The following BIRC6 variants were observed in gnomAD, a reference collection of about 807,000 sequenced individuals.
BIRC6 encodes the protein dual E2 ubiquitin-conjugating enzyme/E3 ubiquitin-protein ligase BIRC6.
Under a neutral mutation model 503.3 loss-of-function variants are expected in BIRC6, and 98 were observed. The ratio of observed to expected loss-of-function variants is 0.19; its 90% CI spans 0.17 to 0.23. The LOEUF is 0.23. Ranked by LOEUF, BIRC6 falls within the 10% of genes least tolerant of loss-of-function variation. The pLI is 1.00. For missense variants in BIRC6, 5,360 were observed against 5,806.0 expected, an observed-to-expected ratio of 0.92 and a Z score of 2.50; for synonymous variants, 2,240 against 2,078.7, an observed-to-expected ratio of 1.08 and a Z score of -2.11.
Position 32,507,975 on chromosome 2 carries a change from T to C in BIRC6, c.9701-5T>C, listed in dbSNP as rs749943217. The C allele has an allele frequency of 1.2e-6, 2 of 1,609,782 alleles. No homozygotes were observed. Among genetic ancestry groups the C allele is most frequent in the Non-Finnish European group, 1.7e-6 (2 of 1,177,842 alleles). ...TTGTGATGATTCAGTTTTCTCTTTT[T>C]ATAGCCTGCCCTTCCTCAGTGTCTG... On this transcript the variant is annotated splice_polypyrimidine_tract_variant and splice_region_variant and intron_variant, in intron 50 of 73. Transcript: ENST00000421745.
intron 73 of BIRC6, among the ~76,000 whole-genome samples, chr2:32,614,078 A>G (rs1447790370): frequency 3.3e-5 from 5 of 152,158 alleles, no homozygotes; most frequent in Non-Finnish European, 1.5e-5. Flanking sequence ...CAAGTTTTCT[A>G]GCTTTCTATT....
rs181278335 is a variant in BIRC6 at position 32,365,776 on chromosome 2, A to T, written c.325+8290A>T. Reference sequence around the variant, plus strand: ...TTTAAGGTAAAAAAATTAGGGCCCTATTATGATTGGAGCTTGGTTGCAGTA... The same window carrying T: ...TTTAAGGTAAAAAAATTAGGGCCCTTTTATGATTGGAGCTTGGTTGCAGTA... On this transcript the variant is annotated intron_variant, in intron 1 of 73. Coordinates refer to ENST00000421745, the MANE Select transcript of BIRC6 (RefSeq NM_016252.4). 2.2e-4 allele frequency among the ~76,000 whole-genome samples: 34 copies of T among 152,270 alleles called. No homozygotes were observed. In the East Asian group the frequency reaches 2.5e-3, roughly 11 times the overall value.
chr2:32,607,100 A>G (rs769118576), intron 71 of BIRC6, among the ~76,000 whole-genome samples: 3 of 152,088 alleles, frequency 2.0e-5, no homozygotes, highest in Middle Eastern at 3.4e-3. Context: ...TAAACTCATA[A>G]AACAACTAAA....
intron 10 of BIRC6, among the ~76,000 whole-genome samples, 159 bp downstream of exon 10, chr2:32,416,322 A>T (rs753234534): frequency 1.4e-4 from 22 of 152,046 alleles, no homozygotes; most frequent in Admixed American, 3.3e-4. Context: ...TGTTCTTAAA[A>T]CTTTTTTCTA....
intron 23 of BIRC6, among the ~76,000 whole-genome samples, chr2:32,455,502 C>T (rs975693414): frequency 2.6e-5 from 4 of 152,086 alleles, no homozygotes; most frequent in African/African-American, 7.2e-5. Flanking sequence ...AGGCACCTGC[C>T]TGTAGTCCCA....
chr2:32,453,352 G>A (rs1021173247), intron 22 of BIRC6, among the ~76,000 whole-genome samples: 17 of 151,906 alleles, frequency 1.1e-4, no homozygotes, highest in South Asian at 4.2e-4. Flanking sequence ...ATTTTGAAAT[G>A]TTCATCCTTT....
At chr2:32,409,050 T>A (rs575192822) in intron 9 of BIRC6, among the ~76,000 whole-genome samples, 2 of 152,242 alleles carry the variant, frequency 1.3e-5, no homozygotes, top group South Asian at 2.1e-4. Flanking sequence ...CATTTCAGAC[T>A]TATCAGAGCA....
chr2:32,448,969 T>A, intron 22 of BIRC6, 41 bp downstream of exon 22: 1 of 1,577,940 alleles, frequency 6.3e-7, no homozygotes, highest in East Asian at 2.2e-5. Context: ...GAATGTTGTA[T>A]CTTGGATTTA....
intron 60 of BIRC6, among the ~76,000 whole-genome samples, chr2:32,530,271 C>T (rs570002461): frequency 6.6e-6 from 1 of 152,144 alleles, no homozygotes; most frequent in South Asian, 2.1e-4. Context: ...AGTGCAGAGG[C>T]ACGATCTTAG....
At chr2:32,438,558 CT>C (rs1242771915) in intron 15 of BIRC6, among the ~76,000 whole-genome samples, 2,528 of 126,912 alleles carry the variant, frequency 0.02, 36 homozygotes, top group African/African-American at 0.069. Context: ...TTTGAGTGTT[CT>C]TTTTTTTTTT....
At chr2:32,501,274 CA>C (rs1479804340) in intron 46 of BIRC6, among the ~76,000 whole-genome samples, 19 of 152,166 alleles carry the variant, frequency 1.2e-4, no homozygotes, top group African/African-American at 4.6e-4. Flanking sequence ...AGAATAGTTA[CA>C]TGCTGGTATC....
chr2:32,587,630 A>ATGAGCCTGAGCC (rs1029887175), intron 66 of BIRC6, among the ~76,000 whole-genome samples: 1 of 152,128 alleles, frequency 6.6e-6, no homozygotes, highest in Non-Finnish European at 1.5e-5. Flanking sequence ...AGGCTGAGGC[A>ATGAGCCTGAGCC]TGAGAATCGC....
In BIRC6 at chr2:32,617,964, A is replaced by G. The variant is rs2063347319; in HGVS notation, c.*60A>G. ...TTCGAAGCACAAGCCAAATATGTCA[A>G]TATTTGTATGTAAGAAACTAATTAT... On this transcript the variant is annotated 3_prime_UTR_variant, in exon 74 of 74. Transcript: ENST00000421745. The G allele has an allele frequency of 6.7e-7, 1 of 1,490,294 alleles. No homozygotes were observed. Among genetic ancestry groups the G allele is most frequent in the South Asian group, 1.3e-5 (1 of 79,228 alleles). The allele number at this position is 1,490,294 out of a possible 1,614,324, so 92.3% of individuals were successfully genotyped here. A position where few individuals can be genotyped will look rare whatever the true frequency, so the allele number is the denominator to read the frequency against.
Position 32,575,351 on chromosome 2 carries a change from A to G in BIRC6, c.13340A>G (p.Tyr4447Cys). 6.2e-7 allele frequency: 1 copy of G among 1,613,792 alleles called. No homozygotes were observed. The highest frequency in any genetic ancestry group is 8.5e-7 in the Non-Finnish European group (1 of 1,179,660). Reference protein sequence around the residue: ...LAKMKTCVDTYTNRLRSKREN... With the variant: ...LAKMKTCVDTCTNRLRSKREN... ...AAAATGAAGACCTGTGTTGATACCT[A>G]TACCAACCGTTTAAGGTACTATATA... Residue 4447 changes from tyrosine (Y) to cysteine (C), a missense_variant, in exon 66 of 74, where the codon TAT (tyrosine) becomes TGT (cysteine). Physicochemically the swap from Tyr to Cys is radical, Grantham distance 194 (BLOSUM62 -2). This residue lies in a region of BIRC6 where 477 missense variants were observed against 574.4 expected (regional missense o/e 0.83). Transcript: ENST00000421745.
chr2:32,592,350 G>C (rs889698691), intron 66 of BIRC6, among the ~76,000 whole-genome samples: 1 of 152,150 alleles, frequency 6.6e-6, no homozygotes, highest in South Asian at 2.1e-4. Context: ...GGTGACATAA[G>C]TTTTTACCTT....
chr2:32,468,001 A>G lies in BIRC6; in HGVS notation c.5670A>G (p.Glu1890=), dbSNP rs1336637566. 6.2e-7 allele frequency: 1 copy of G among 1,613,846 alleles called. No individual in the cohort carries two copies. The highest frequency in any genetic ancestry group is 1.3e-5 in the African/African-American group (1 of 75,034). The change falls in exon 28 of 74, where the codon GAA becomes GAG. Residue 1890 remains glutamate (E), a synonymous_variant. Transcript: ENST00000421745. The part of the protein sequence containing the change: ...GHTYILPWES[E]LKLMHDPLKG... ...CCTACATCTTGCCTTGGGAAAGTGA[A>G]CTGAAGTTAATGCATGATCCTCTAA... is the stretch of plus-strand genomic sequence containing the variant.
intron 1 of BIRC6, among the ~76,000 whole-genome samples, chr2:32,377,113 CAAG>C (rs951243140): frequency 6.6e-6 from 1 of 151,936 alleles, no homozygotes; most frequent in African/African-American, 2.4e-5. Context: ...AGAAAAATTG[CAAG>C]AATAGAATGT....
chr2:32,373,434 A>G (rs1162747908), intron 1 of BIRC6, among the ~76,000 whole-genome samples: 1 of 152,228 alleles, frequency 6.6e-6, no homozygotes, highest in Non-Finnish European at 1.5e-5. Context: ...ACTATTGCAT[A>G]TATGGTCAAA....
chr2:32,386,934 G>T (rs2038559548), intron 3 of BIRC6, among the ~76,000 whole-genome samples: 1 of 152,074 alleles, frequency 6.6e-6, no homozygotes, highest in African/African-American at 2.4e-5. Flanking sequence ...TATGCATTCA[G>T]GAACTGGGGA....
Sources: gnomAD v4.1 joint callset for allele counts (sites outside exome capture counted in the v4.1 genomes callset) on GRCh38, gnomAD v4.1.1 for gene constraint, gnomAD v4.1.1 regional missense constraint, MANE v1.5 for transcripts, NCBI Gene and HGNC (gene_info 2026-07-23, HGNC 2026-07-21) for gene names.